Variants in LAPTM4B observed in about 807,000 individuals in gnomAD.
LAPTM4B encodes the protein lysosomal-associated transmembrane protein 4B.
In LAPTM4B, 26 loss-of-function variants were observed where a neutral mutation model predicts 28.5. The ratio of observed to expected loss-of-function variants is 0.91; its 90% CI spans 0.67 to 1.27. LAPTM4B has a LOEUF of 1.27. Ranked by LOEUF, LAPTM4B falls within the 50% of genes most tolerant of loss-of-function variation. LAPTM4B has a pLI of 0.00. For missense variants in LAPTM4B, 288 were observed against 285.8 expected (o/e 1.01, Z -0.06); for synonymous variants, 109 against 106.4 (o/e 1.02, Z -0.15).
At chr8:97,780,926 T>G (rs114563057) in intron 1 of LAPTM4B, among the ~76,000 whole-genome samples, 6,148 of 152,176 alleles carry the variant, frequency 0.04, 408 homozygotes, top group African/African-American at 0.14. Flanking sequence ...CTTCAGGTAT[T>G]TATTCTAGAG....
chr8:97,847,922 A>G (rs1817455904), intron 6 of LAPTM4B, among the ~76,000 whole-genome samples: 1 of 152,218 alleles, frequency 6.6e-6, no homozygotes, highest in Admixed American at 6.5e-5. Flanking sequence ...TAAGCTTTGG[A>G]TTAAGGGTCC....
intron 5 of LAPTM4B, among the ~76,000 whole-genome samples, chr8:97,824,698 C>T (rs1377420869): frequency 6.6e-6 from 1 of 152,098 alleles, no homozygotes; most frequent in Non-Finnish European, 1.5e-5. Context: ...TGAGTTAATA[C>T]ATTCGATTGT....
chr8:97,833,182 A>C (rs1030150453), intron 6 of LAPTM4B, among the ~76,000 whole-genome samples: 8 of 151,790 alleles, frequency 5.3e-5, no homozygotes, highest in African/African-American at 1.7e-4. Context: ...AAAAATAGAA[A>C]AGTTAGCCGG....
chr8:97,791,487 A>G (rs1816499067), intron 1 of LAPTM4B, among the ~76,000 whole-genome samples: 1 of 152,146 alleles, frequency 6.6e-6, no homozygotes, highest in Non-Finnish European at 1.5e-5. Flanking sequence ...TAGCCTGAGA[A>G]TGAACACCAG....
At chr8:97,783,194 G>T (rs774543635) in intron 1 of LAPTM4B, among the ~76,000 whole-genome samples, 12 of 150,410 alleles carry the variant, frequency 8.0e-5, no homozygotes, top group Non-Finnish European at 1.5e-5. Context: ...CCATATATCA[G>T]ATTATAAAGG....
intron 6 of LAPTM4B, among the ~76,000 whole-genome samples, chr8:97,834,532 T>C (rs987588765): frequency 4.8e-5 from 7 of 146,956 alleles, no homozygotes; most frequent in Non-Finnish European, 7.5e-5. Flanking sequence ...TCTGAGTCTT[T>C]TGACATGTCC....
chr8:97,784,044 C>G (rs1231028370), intron 1 of LAPTM4B, among the ~76,000 whole-genome samples: 3 of 152,012 alleles, frequency 2.0e-5, no homozygotes. Flanking sequence ...AGTTCAACAA[C>G]TATTGATTTG....
intron 6 of LAPTM4B, among the ~76,000 whole-genome samples, chr8:97,847,356 T>C (rs902591669): frequency 1.3e-5 from 2 of 152,234 alleles, no homozygotes; most frequent in African/African-American, 4.8e-5. Context: ...AGGTGCTCCT[T>C]GAGTAGCTGC....
intron 6 of LAPTM4B, among the ~76,000 whole-genome samples, chr8:97,851,009 G>A (rs957513675): frequency 3.3e-5 from 5 of 149,326 alleles, no homozygotes; most frequent in African/African-American, 7.7e-5. Flanking sequence ...AAAGCTTGGC[G>A]TTTTCACTGC....
chr8:97,800,587 C>T, intron 1 of LAPTM4B, among the ~76,000 whole-genome samples: 1 of 148,830 alleles, frequency 6.7e-6, no homozygotes. Context: ...ACCTCCGCCT[C>T]CCGGGTTCAA....
chr8:97,778,486 T>G (rs758611308), intron 1 of LAPTM4B, among the ~76,000 whole-genome samples: 11 of 152,082 alleles, frequency 7.2e-5, no homozygotes, highest in African/African-American at 2.7e-4. Flanking sequence ...ACTTAACTTG[T>G]GCAAGCTGAC....
intron 1 of LAPTM4B, among the ~76,000 whole-genome samples, chr8:97,786,854 T>G (rs1167202653): frequency 6.6e-6 from 1 of 152,114 alleles, no homozygotes; most frequent in East Asian, 1.9e-4. Flanking sequence ...GTTGCAAAAC[T>G]GAAGGTGAGC....
At chr8:97,797,673 G>T (rs1816612650) in intron 1 of LAPTM4B, among the ~76,000 whole-genome samples, 1 of 142,758 alleles carries the variant, frequency 7.0e-6, no homozygotes, top group Non-Finnish European at 1.5e-5. Flanking sequence ...GTATCAGTGG[G>T]TTTGAATGTT....
At chr8:97,842,581 C>T (rs75705081) in intron 6 of LAPTM4B, among the ~76,000 whole-genome samples, 25,748 of 152,018 alleles carry the variant, frequency 0.17, 2,263 homozygotes, top group East Asian at 0.23. Flanking sequence ...TGCACTGGCG[C>T]GATCTCAGCT....
intron 5 of LAPTM4B, among the ~76,000 whole-genome samples, chr8:97,821,535 G>T (rs1396976827): frequency 2.1e-5 from 3 of 145,106 alleles, no homozygotes; most frequent in African/African-American, 8.7e-5. Flanking sequence ...TAGTGAGGAC[G>T]TGTGGATGTA....
intron 6 of LAPTM4B, among the ~76,000 whole-genome samples, chr8:97,832,478 G>T (rs1489848426): frequency 6.6e-6 from 1 of 152,116 alleles, no homozygotes; most frequent in East Asian, 1.9e-4. Context: ...GGAAACTGAG[G>T]TACTGATAAT....
chr8:97,806,960 T>A (rs1209097473), intron 2 of LAPTM4B, among the ~76,000 whole-genome samples: 1 of 152,060 alleles, frequency 6.6e-6, no homozygotes, highest in Non-Finnish European at 1.5e-5. Context: ...TGCTTTTTCT[T>A]CATTCTGTCT....
At chr8:97,808,176 A>G (rs1414853439) in intron 2 of LAPTM4B, among the ~76,000 whole-genome samples, 1 of 151,256 alleles carries the variant, frequency 6.6e-6, no homozygotes, top group Non-Finnish European at 1.5e-5. Flanking sequence ...GGCTGGGCTC[A>G]GTGGCTCATG....
chr8:97,838,941 A>C (rs1817302559), intron 6 of LAPTM4B, among the ~76,000 whole-genome samples: 1 of 152,172 alleles, frequency 6.6e-6, no homozygotes, highest in South Asian at 2.1e-4. Context: ...GTTGTGCTAC[A>C]CAGTCCTGCT....
Sources: allele counts gnomAD v4.1 joint callset (sites outside exome capture counted in the v4.1 genomes callset), GRCh38; gene constraint gnomAD v4.1.1; transcripts MANE v1.5; gene names NCBI Gene and HGNC (gene_info 2026-07-23, HGNC 2026-07-21).